Variants in KCNH1 observed in about 807,000 individuals in gnomAD.
The protein encoded by KCNH1 is voltage-gated delayed rectifier potassium channel KCNH1.
In KCNH1, 27 loss-of-function variants were observed where a neutral mutation model predicts 69.2. The observed-to-expected ratio is 0.39, with a 90% CI of 0.29 to 0.54. KCNH1 has a LOEUF of 0.54. Among genes scored for constraint, KCNH1 ranks in the 20% least tolerant of loss-of-function variants. The pLI is 0.68. For synonymous variants in KCNH1, 456 were observed against 487.7 expected, an observed-to-expected ratio of 0.93 and a Z score of 0.86; for missense variants, 798 against 1,261.6, an observed-to-expected ratio of 0.63 and a Z score of 5.57.
chr1:210,919,750 A>T lies in KCNH1; in HGVS notation c.1352T>A (p.Ile451Asn). The T allele has an allele frequency of 6.2e-7, 1 of 1,614,142 alleles. No individual in the cohort carries two copies. Among genetic ancestry groups the T allele is most frequent in the Non-Finnish European group, 8.5e-7 (1 of 1,180,002 alleles). Residue 451 changes from isoleucine to asparagine, a missense_variant, in exon 7 of 11, where the codon ATC (isoleucine) becomes AAC (asparagine). Around this residue, in one of 4 missense-constraint regions of KCNH1, gnomAD observed 197 missense variants for 407.7 expected, o/e 0.48. Coordinates refer to ENST00000271751, the MANE Select transcript of KCNH1 (RefSeq NM_172362.3). The surrounding 1 kb of genome is among the most constrained non-coding windows in gnomAD (Gnocchi z 4.2). ...EGGPSKNSVY[I>N]SSLYFTMTSL... ...GGTCATTGTGAAATACAACGAGGAGATGTAGACAGAATTCTTGCTGGGACC... is the reference window on the plus strand; with the variant it reads ...GGTCATTGTGAAATACAACGAGGAGTTGTAGACAGAATTCTTGCTGGGACC...
At chr1:210,940,648 T>C (rs1382706976) in intron 6 of KCNH1, among the ~76,000 whole-genome samples, 1 of 152,230 alleles carries the variant, frequency 6.6e-6, no homozygotes, top group African/African-American at 2.4e-5. Flanking sequence ...TGAAATAAAC[T>C]GCGTATTCAG....
chr1:210,981,372 C>CAAAAAAAAAA (rs10684074), intron 6 of KCNH1, among the ~76,000 whole-genome samples: 148 of 85,246 alleles, frequency 1.7e-3, no homozygotes, highest in Non-Finnish European at 2.2e-3. Flanking sequence ...GTAACAACGA[C>CAAAAAAAAAA]AAAAAAAAAA....
intron 5 of KCNH1, among the ~76,000 whole-genome samples, chr1:211,070,430 A>ACACAC (rs1553376623): frequency 1.6e-3 from 217 of 137,146 alleles, no homozygotes; most frequent in Middle Eastern, 3.8e-3. Flanking sequence ...AAAAAAAAAA[A>ACACAC]ACACACACAC....
chr1:210,774,762 T>A (rs1410288642), intron 10 of KCNH1, among the ~76,000 whole-genome samples: 2 of 152,198 alleles, frequency 1.3e-5, no homozygotes. Context: ...AGAAACAATT[T>A]CAGGTCAAAG....
chr1:210,869,131 G>T (rs114499520), intron 7 of KCNH1, among the ~76,000 whole-genome samples: 1 of 152,084 alleles, frequency 6.6e-6, no homozygotes, highest in African/African-American at 2.4e-5. Context: ...CAAGACATAT[G>T]TGAGTATTGT....
intron 5 of KCNH1, among the ~76,000 whole-genome samples, chr1:211,054,955 TATATC>T (rs972329401): frequency 5.9e-5 from 9 of 151,970 alleles, no homozygotes; most frequent in Non-Finnish European, 5.9e-5. Flanking sequence ...ATATTCCAAA[TATATC>T]AGTAAGAATA....
chr1:210,791,664 G>A (rs917641522), intron 9 of KCNH1, among the ~76,000 whole-genome samples: 8 of 152,020 alleles, frequency 5.3e-5, no homozygotes, highest in African/African-American at 1.9e-4. Flanking sequence ...ATAGAAAAAG[G>A]TACCCACGTT....
chr1:210,909,231 A>G (rs779334348), intron 7 of KCNH1, among the ~76,000 whole-genome samples: 17 of 152,216 alleles, frequency 1.1e-4, no homozygotes, highest in Non-Finnish European at 2.2e-4. Flanking sequence ...TAGTTCTACA[A>G]ACAAACCCTT....
rs367771748 is a variant in KCNH1, at chr1:211,030,411, T to C, written c.559-11155A>G. ...AGACTATGTGGTATTGGAAAAAGAA[T>C]ATAGATTCATAGAACAGAATAGAGA... On this transcript the variant is annotated intron_variant, in intron 5 of 10. Coordinates refer to ENST00000271751, the MANE Select transcript of KCNH1 (RefSeq NM_172362.3). Among the ~76,000 whole-genome samples, 3 of 152,284 alleles carry C rather than the reference T, an allele frequency of 2.0e-5. No individual in the cohort carries two copies. The East Asian group carries it at 5.8e-4, about 29-fold the overall frequency.
intron 9 of KCNH1, among the ~76,000 whole-genome samples, chr1:210,789,984 T>C (rs1684181742): frequency 6.6e-6 from 1 of 152,116 alleles, no homozygotes; most frequent in Non-Finnish European, 1.5e-5. Context: ...GTGATCACGG[T>C]GCACTACAGC....
intron 6 of KCNH1, 124 bp from the exon 7 acceptor site, chr1:210,920,193 C>A: frequency 2.5e-6 from 2 of 792,494 alleles, no homozygotes; most frequent in South Asian, 2.2e-5. Context: ...TTTATGCAAC[C>A]CTTAAAAAAA....
At chr1:211,124,602 C>T (rs1335656675) in intron 1 of KCNH1, among the ~76,000 whole-genome samples, 4 of 151,836 alleles carry the variant, frequency 2.6e-5, no homozygotes, top group Non-Finnish European at 5.9e-5. Flanking sequence ...GGCGACAGAG[C>T]AAGACTCGGT....
chr1:211,021,881 AT>A (rs1250712518), intron 5 of KCNH1, among the ~76,000 whole-genome samples: 4 of 152,260 alleles, frequency 2.6e-5, no homozygotes, highest in Non-Finnish European at 5.9e-5. Flanking sequence ...AATTAATATT[AT>A]TACAATGTGC....
chr1:210,841,206 TC>T (rs1685402368), intron 7 of KCNH1, among the ~76,000 whole-genome samples: 1 of 152,202 alleles, frequency 6.6e-6, no homozygotes, highest in African/African-American at 2.4e-5. Flanking sequence ...AAGTGGATAC[TC>T]TCATCTCAGT....
chr1:210,792,363 C>A lies in KCNH1; in HGVS notation c.1915+5145G>T, dbSNP rs2102393889. ...GATAGTCTTACTCCGGACTGTGAGG[C>A]TCTTCAAAGCCTAACCTCTGCCTTC... On this transcript the variant is annotated intron_variant, in intron 9 of 10. Transcript: ENST00000271751. 2.6e-5 allele frequency among the ~76,000 whole-genome samples: 4 copies of A among 152,338 alleles called. No individual in the cohort carries two copies. The Middle Eastern group carries it at 0.014, about 518-fold the overall frequency.
At chr1:210,996,975 C>T (rs1181608071) in intron 6 of KCNH1, among the ~76,000 whole-genome samples, 1 of 152,160 alleles carries the variant, frequency 6.6e-6, no homozygotes, top group Non-Finnish European at 1.5e-5. Flanking sequence ...GGAAAACTAA[C>T]AAACAGAAAA....
intron 7 of KCNH1, among the ~76,000 whole-genome samples, chr1:210,846,148 T>C (rs955678529): frequency 2.6e-5 from 4 of 152,212 alleles, no homozygotes; most frequent in Admixed American, 6.5e-5. Flanking sequence ...AAAATGGCCG[T>C]ACTTCCCAAG....
intron 8 of KCNH1, among the ~76,000 whole-genome samples, chr1:210,801,337 G>C (rs1392350681): frequency 1.3e-5 from 2 of 152,254 alleles, no homozygotes; most frequent in African/African-American, 4.8e-5. Context: ...TGGAGGGGAG[G>C]GGCAGATGGG....
At chr1:210,993,560 T>C (rs75612140) in intron 6 of KCNH1, among the ~76,000 whole-genome samples, 5,774 of 152,324 alleles carry the variant, frequency 0.038, 222 homozygotes, top group South Asian at 0.12. Flanking sequence ...AAACCTTATG[T>C]CTTAACAGAA....
Sources: allele counts gnomAD v4.1 joint callset (sites outside exome capture counted in the v4.1 genomes callset), GRCh38; gene constraint gnomAD v4.1.1; regional missense constraint gnomAD v4.1.1; non-coding constraint Gnocchi (gnomAD v3.1); transcripts MANE v1.5; gene names NCBI Gene and HGNC (gene_info 2026-07-23, HGNC 2026-07-21).